Variants in MYH11 observed in about 807,000 individuals in gnomAD.
The protein encoded by MYH11 is myosin-11.
MYH11 carries 80 observed loss-of-function variants against 246.6 expected under a neutral mutation model. The ratio of observed to expected loss-of-function variants is 0.32; its 90% CI spans 0.27 to 0.39. MYH11 has a LOEUF of 0.39. Ranked by LOEUF, MYH11 falls within the 10% of genes least tolerant of loss-of-function variation. The pLI is 1.00. For synonymous variants in MYH11, 1,071 were observed against 1,015.5 expected, an observed-to-expected ratio of 1.05 and a Z score of -1.04; for missense variants, 2,158 against 2,546.8, an observed-to-expected ratio of 0.85 and a Z score of 3.29.
chr16:15,767,879 C>A (rs2042017302), intron 9 of MYH11, among the ~76,000 whole-genome samples: 2 of 151,846 alleles, frequency 1.3e-5, no homozygotes, highest in South Asian at 4.2e-4. Flanking sequence ...ACAGATCTCC[C>A]TCAGTGCCTC....
Position 15,763,863 on chromosome 16 carries a change from C to G in MYH11, c.1062G>C (p.Leu354=). 1.9e-6 allele frequency: 3 copies of G among 1,610,202 alleles called. No individual in the cohort carries two copies. The highest frequency in any genetic ancestry group is 2.2e-5 in the South Asian group (2 of 90,992). The change falls in exon 10 of 41, where the codon CTG becomes CTC. Residue 354 remains leucine, a synonymous_variant. Coordinates refer to ENST00000300036, the MANE Select transcript of MYH11 (RefSeq NM_002474.3). ...TCTTGAAGACGATATTTCCAAGCTGCAGGACCGATGATACCACCTTCAATA... is the reference window on the plus strand; with the variant it reads ...TCTTGAAGACGATATTTCCAAGCTGGAGGACCGATGATACCACCTTCAATA... ...LSILKVVSSV[L]QLGNIVFKKE...
Position 15,756,456 on chromosome 16 carries a change from G to A in MYH11, c.1634C>T (p.Thr545Met). The A allele has an allele frequency of 1.2e-6, 2 of 1,614,148 alleles. No homozygotes were observed. The highest frequency in any genetic ancestry group is 1.7e-6 in the Non-Finnish European group (2 of 1,180,032). Reference protein sequence around the residue: ...LDEECWFPKATDKSFVEKLCT... With the variant: ...LDEECWFPKAMDKSFVEKLCT... ...CAGCTTCTCCACGAAAGACTTGTCC[G>A]TGGCTTTGGGGAACCAGCATTCCTC... is the stretch of plus-strand genomic sequence containing the variant. The change falls in exon 14 of 41, where the codon ACG becomes ATG. Residue 545 changes from threonine to methionine, a missense_variant. Thr to Met is a moderately conservative substitution (Grantham distance 81). Transcript: ENST00000300036.
chr16:15,821,545 CCTT>C (rs1215392687), intron 3 of MYH11, among the ~76,000 whole-genome samples: 1 of 152,140 alleles, frequency 6.6e-6, no homozygotes, highest in Non-Finnish European at 1.5e-5. Context: ...CGCTCCCCCT[CCTT>C]CTCCTTTGCT....
At chr16:15,828,309 C>G (rs1364519580) in intron 2 of MYH11, among the ~76,000 whole-genome samples, 2 of 152,196 alleles carry the variant, frequency 1.3e-5, no homozygotes, top group Non-Finnish European at 2.9e-5. Context: ...TTTAGTGACT[C>G]TTACTATGCT....
At chr16:15,828,339 G>A (rs1596915203) in intron 2 of MYH11, among the ~76,000 whole-genome samples, 1 of 152,148 alleles carries the variant, frequency 6.6e-6, no homozygotes, top group Non-Finnish European at 1.5e-5. Context: ...TCACGAGAGG[G>A]AAGTCTTGCC....
chr16:15,796,811 A>G (rs2042751814), intron 4 of MYH11, among the ~76,000 whole-genome samples: 1 of 152,212 alleles, frequency 6.6e-6, no homozygotes, highest in Non-Finnish European at 1.5e-5. Flanking sequence ...GGAAGAGACC[A>G]TGAGCCAAGG....
chr16:15,721,407 C>T lies in MYH11; in HGVS notation c.4578+15G>A. 6.2e-7 allele frequency: 1 copy of T among 1,614,034 alleles called. No homozygotes were observed. The highest frequency in any genetic ancestry group is 8.5e-7 in the Non-Finnish European group (1 of 1,179,980). ...GGCGAAACATGGACGAGAAAAACCACCCAGAGCCACTTACGTTCTTGCCCA... is the reference window on the plus strand; with the variant it reads ...GGCGAAACATGGACGAGAAAAACCATCCAGAGCCACTTACGTTCTTGCCCA... On this transcript the variant is annotated intron_variant, in intron 32 of 40. Transcript: ENST00000300036.
At chr16:15,722,270 C>G (rs763712618) in intron 31 of MYH11, among the ~76,000 whole-genome samples, 9 of 152,134 alleles carry the variant, frequency 5.9e-5, no homozygotes, top group Non-Finnish European at 1.2e-4. Flanking sequence ...TTCATGGCCA[C>G]AAGTAGCTAT....
intron 5 of MYH11, chr16:15,784,549 G>A: frequency 1.3e-6 from 1 of 789,022 alleles, no homozygotes. Context: ...TGGTATTTTG[G>A]TGCATTTACT....
At chr16:15,707,832 C>T (rs150166112) in intron 40 of MYH11, among the ~76,000 whole-genome samples, 4,124 of 152,022 alleles carry the variant, frequency 0.027, 185 homozygotes, top group African/African-American at 0.095. Flanking sequence ...ATTAGCTGGG[C>T]GAGGTGGCGG....
At chr16:15,741,317 C>T in intron 22 of MYH11, 146 bp downstream of exon 22, 1 of 901,564 alleles carries the variant, frequency 1.1e-6, no homozygotes, top group Non-Finnish European at 1.8e-6. Context: ...AGCTGTGTGG[C>T]CTTGATCAGA....
At position 15,715,546 on chromosome 16, in the gene MYH11, AATAG is replaced by A. The variant is rs1224235586; in HGVS notation, c.5505-278_5505-275del. Among the ~76,000 whole-genome samples the A allele has an allele frequency of 1.3e-5, 2 of 152,246 alleles. 1 individual carries two copies. The highest frequency in any genetic ancestry group is 4.1e-4 in the South Asian group (2 of 4,830). On this transcript the variant is annotated intron_variant, in intron 38 of 40. Coordinates refer to ENST00000300036, the MANE Select transcript of MYH11 (RefSeq NM_002474.3). ...GATTCCGTTGATATCAAGTGTCCAG[AATAG>A]ATAAATTCATAGAGACAGAAAGTAG... is the stretch of plus-strand genomic sequence containing the variant.
At chr16:15,846,147 G>A (rs1258360428) in intron 1 of MYH11, among the ~76,000 whole-genome samples, 3 of 151,986 alleles carry the variant, frequency 2.0e-5, no homozygotes, top group Non-Finnish European at 4.4e-5. Context: ...GTCTCATTCT[G>A]GAGTCTATTT....
At chr16:15,705,155 T>C (rs898016456) in intron 40 of MYH11, among the ~76,000 whole-genome samples, 19 of 152,192 alleles carry the variant, frequency 1.2e-4, no homozygotes, top group Non-Finnish European at 2.2e-4. Flanking sequence ...CTAATTTTTG[T>C]ATTTTTAGCA....
chr16:15,707,639 G>A (rs976033510), intron 40 of MYH11, among the ~76,000 whole-genome samples: 16 of 152,198 alleles, frequency 1.1e-4, no homozygotes, highest in African/African-American at 3.6e-4. Flanking sequence ...ACAAATGAGG[G>A]TTGGTTTGGC....
chr16:15,771,853 C>G, intron 8 of MYH11, 141 bp from the exon 9 acceptor site: 3 of 1,085,690 alleles, frequency 2.8e-6, no homozygotes, highest in South Asian at 2.8e-5. Context: ...CCTCACGCAT[C>G]GTCACGTAGA....
At chr16:15,831,402 G>C (rs2043731967) in intron 2 of MYH11, among the ~76,000 whole-genome samples, 3 of 151,488 alleles carry the variant, frequency 2.0e-5, no homozygotes. Context: ...TATAAGGTAG[G>C]GTTAAGTGGA....
At chr16:15,758,060 A>T in intron 12 of MYH11, 60 bp from the exon 13 acceptor site, 1 of 1,610,822 alleles carries the variant, frequency 6.2e-7, no homozygotes, top group Admixed American at 1.7e-5. Flanking sequence ...GAAGACAAGG[A>T]GCCCCACAGA....
chr16:15,757,000 G>A (rs937658427), intron 13 of MYH11, among the ~76,000 whole-genome samples: 2 of 150,544 alleles, frequency 1.3e-5, no homozygotes, highest in Admixed American at 6.6e-5. Context: ...GGGTTTCACC[G>A]TGTTAGCCAG....
Sources: allele counts gnomAD v4.1 joint callset (sites outside exome capture counted in the v4.1 genomes callset), GRCh38; gene constraint gnomAD v4.1.1; transcripts MANE v1.5; gene names NCBI Gene and HGNC (gene_info 2026-07-23, HGNC 2026-07-21).